Variants in MAP2K1 observed in about 807,000 individuals in gnomAD.
MAP2K1 encodes the protein dual specificity mitogen-activated protein kinase kinase 1.
Under a neutral mutation model 46.3 loss-of-function variants are expected in MAP2K1, and 16 were observed. That is an observed-to-expected ratio of 0.35 (90% CI 0.23 to 0.52). The LOEUF is 0.52. Among genes scored for constraint, MAP2K1 ranks in the 20% least tolerant of loss-of-function variants. MAP2K1 has a pLI of 0.94. For synonymous variants in MAP2K1, 183 were observed against 185.6 expected, an observed-to-expected ratio of 0.99 and a Z score of 0.11; for missense variants, 263 against 497.1, an observed-to-expected ratio of 0.53 and a Z score of 4.48.
rs1217909900 is a variant in MAP2K1 at position 66,482,960 on chromosome 15, C to CAAAGCACATGTCATGTCCCTGG, written c.693+1084_693+1105dup. On this transcript the variant is annotated intron_variant, in intron 6 of 10. Coordinates refer to ENST00000307102, the MANE Select transcript of MAP2K1 (RefSeq NM_002755.4). ...ACAAAGCATTTTATGTGTTCTCTGT[C>CAAAGCACATGTCATGTCCCTGG]AAAGCACATGTCATGTCCCTGGAAG... Among the ~76,000 whole-genome samples, 46 of 152,156 alleles carry CAAAGCACATGTCATGTCCCTGG rather than the reference C, an allele frequency of 3.0e-4. 1 individual carries two copies. Among genetic ancestry groups the CAAAGCACATGTCATGTCCCTGG allele is most frequent in the Non-Finnish European group, 7.4e-5 (5 of 68,014 alleles).
intron 5 of MAP2K1, among the ~76,000 whole-genome samples, chr15:66,448,483 T>C (rs1160666708): frequency 6.6e-6 from 1 of 152,170 alleles, no homozygotes; most frequent in Non-Finnish European, 1.5e-5. Context: ...CAGCTTGTCC[T>C]AGTGGGATTT....
intron 1 of MAP2K1, among the ~76,000 whole-genome samples, chr15:66,392,081 G>A (rs1019408539): frequency 6.6e-6 from 1 of 151,998 alleles, no homozygotes; most frequent in Non-Finnish European, 1.5e-5. Context: ...CATGAGGAGG[G>A]AATCTTGTGA....
At chr15:66,413,911 CTTT>C (rs10649963) in intron 1 of MAP2K1, among the ~76,000 whole-genome samples, 4 of 111,534 alleles carry the variant, frequency 3.6e-5, no homozygotes, top group Admixed American at 9.5e-5. Flanking sequence ...TCTTCTTCTT[CTTT>C]TTTTTTTTTT....
At chr15:66,470,199 G>A (rs1309854572) in intron 5 of MAP2K1, among the ~76,000 whole-genome samples, 3 of 138,758 alleles carry the variant, frequency 2.2e-5, no homozygotes, top group African/African-American at 8.0e-5. Flanking sequence ...GCATAGAGTT[G>A]GTCAAACCCA....
At chr15:66,387,796 T>C (rs756292692) in intron 1 of MAP2K1, among the ~76,000 whole-genome samples, 1 of 152,182 alleles carries the variant, frequency 6.6e-6, no homozygotes, top group Non-Finnish European at 1.5e-5. Context: ...AGGAGGCTAA[T>C]GTTTTGGAAA....
intron 5 of MAP2K1, among the ~76,000 whole-genome samples, chr15:66,479,097 CT>C (rs768466279): frequency 2.5e-3 from 364 of 143,588 alleles, no homozygotes; most frequent in Middle Eastern, 3.7e-3. Context: ...CCTTAGCCTT[CT>C]TTTTTTTTTT....
At chr15:66,415,411 C>T (rs567982773) in intron 1 of MAP2K1, among the ~76,000 whole-genome samples, 1 of 152,216 alleles carries the variant, frequency 6.6e-6, no homozygotes, top group Admixed American at 6.5e-5. Context: ...TCCTCCTAAC[C>T]CCCAAAGCTG....
At chr15:66,397,424 A>G (rs1285849633) in intron 1 of MAP2K1, among the ~76,000 whole-genome samples, 3 of 152,218 alleles carry the variant, frequency 2.0e-5, no homozygotes, top group Non-Finnish European at 4.4e-5. Flanking sequence ...GTGGGAGAGC[A>G]TCATCCAAAA....
intron 1 of MAP2K1, among the ~76,000 whole-genome samples, chr15:66,393,910 C>G (rs1595835685): frequency 6.6e-6 from 1 of 152,294 alleles, no homozygotes; most frequent in East Asian, 1.9e-4. Flanking sequence ...TACAGAACTC[C>G]CTGTCATTTT....
intron 1 of MAP2K1, among the ~76,000 whole-genome samples, chr15:66,414,563 G>A (rs554341602): frequency 2.0e-5 from 3 of 152,292 alleles, no homozygotes; most frequent in East Asian, 1.9e-4. Flanking sequence ...TATGCACAGA[G>A]TATTATTAAC....
intron 5 of MAP2K1, among the ~76,000 whole-genome samples, chr15:66,447,666 G>A (rs1051805295): frequency 2.0e-5 from 3 of 146,684 alleles, no homozygotes; most frequent in Non-Finnish European, 4.5e-5. Flanking sequence ...ACTCTAGCCT[G>A]GGCGACAGAG....
At chr15:66,429,668 C>G (rs1372565939) in intron 1 of MAP2K1, among the ~76,000 whole-genome samples, 3 of 33,242 alleles carry the variant, frequency 9.0e-5, no homozygotes, top group South Asian at 3.0e-3. Context: ...TGCGGCGCCC[C>G]CCCCCCCCCC....
intron 7 of MAP2K1, among the ~76,000 whole-genome samples, chr15:66,485,605 G>T (rs1893020107): frequency 6.6e-6 from 1 of 151,820 alleles, no homozygotes; most frequent in Admixed American, 6.6e-5. Context: ...GGAGGGAAGG[G>T]GCTCACTCTG....
intron 1 of MAP2K1, among the ~76,000 whole-genome samples, chr15:66,391,890 A>G (rs1413850311): frequency 6.6e-6 from 1 of 152,176 alleles, no homozygotes; most frequent in Non-Finnish European, 1.5e-5. Context: ...TCTGCTTAGG[A>G]TTCTAAAATG....
chr15:66,460,413 G>A (rs1892287736), intron 5 of MAP2K1, among the ~76,000 whole-genome samples: 2 of 152,178 alleles, frequency 1.3e-5, no homozygotes, highest in African/African-American at 4.8e-5. Flanking sequence ...ATGTGGCAGG[G>A]TCAGGGAAAG....
At chr15:66,400,742 T>C (rs1437430760) in intron 1 of MAP2K1, among the ~76,000 whole-genome samples, 1 of 152,160 alleles carries the variant, frequency 6.6e-6, no homozygotes. Context: ...CTGAATCCCA[T>C]GAAGGGCCAA....
At chr15:66,477,064 T>A (rs1056968988) in intron 5 of MAP2K1, among the ~76,000 whole-genome samples, 3 of 152,146 alleles carry the variant, frequency 2.0e-5, no homozygotes, top group Non-Finnish European at 4.4e-5. Context: ...CCAGGACCAA[T>A]GTGGTCTAGC....
chr15:66,485,290 G>A, intron 7 of MAP2K1, 99 bp downstream of exon 7: 1 of 1,170,058 alleles, frequency 8.5e-7, no homozygotes, highest in Non-Finnish European at 1.2e-6. Flanking sequence ...ATTCTGCCAA[G>A]ACTGATTCTC....
In MAP2K1 at chr15:66,387,295, G is replaced by T; in HGVS notation, c.-53G>T. On this transcript the variant is annotated 5_prime_UTR_variant, in exon 1 of 11. Coordinates refer to ENST00000307102, the MANE Select transcript of MAP2K1 (RefSeq NM_002755.4). The stretch of plus-strand genomic sequence containing the variant: ...GCGCGGGGCAGCGCAGCGGGAGGAA[G>T]CGAGAGGTGCTGCCCTCCCCCCGGA... 4 of 1,437,198 alleles carry T rather than the reference G, an allele frequency of 2.8e-6. No homozygotes were observed. The highest frequency in any genetic ancestry group is 3.8e-6 in the Non-Finnish European group (4 of 1,044,518). The allele number at this position is 1,437,198 out of a possible 1,614,324, so 89.0% of individuals were successfully genotyped here. A position where few individuals can be genotyped will look rare whatever the true frequency, so the allele number is the denominator to read the frequency against.
Sources: allele counts gnomAD v4.1 joint callset (sites outside exome capture counted in the v4.1 genomes callset), GRCh38; gene constraint gnomAD v4.1.1; transcripts MANE v1.5; gene names NCBI Gene and HGNC (gene_info 2026-07-23, HGNC 2026-07-21).